Variants in MYO18B observed in about 807,000 individuals in gnomAD.
MYO18B encodes unconventional myosin-XVIIIb.
A neutral mutation model predicts 273.0 loss-of-function variants in MYO18B; 204 were observed. The observed-to-expected ratio is 0.75, with a 90% CI of 0.67 to 0.84. The LOEUF is 0.84. MYO18B is among the 40% of genes least tolerant of loss of function. The pLI is 0.00. For synonymous variants in MYO18B, 1,330 were observed against 1,305.7 expected (o/e 1.02, Z -0.40); for missense variants, 3,212 against 3,287.6 (o/e 0.98, Z 0.56).
chr22:25,841,834 G>A (rs13057055), intron 17 of MYO18B, among the ~76,000 whole-genome samples: 1 of 152,230 alleles, frequency 6.6e-6, no homozygotes, highest in African/African-American at 2.4e-5. Flanking sequence ...GAAGGAGGCA[G>A]CCAGGTAAAC....
chr22:25,815,288 G>C (rs2088953065), intron 12 of MYO18B, among the ~76,000 whole-genome samples: 4 of 152,200 alleles, frequency 2.6e-5, no homozygotes, highest in Non-Finnish European at 4.4e-5. Context: ...ACTCTACCTT[G>C]CTAGCTGAGT....
At chr22:25,966,648 AAT>A (rs2092982072) in intron 39 of MYO18B, among the ~76,000 whole-genome samples, 1 of 152,038 alleles carries the variant, frequency 6.6e-6, no homozygotes, top group Non-Finnish European at 1.5e-5. Context: ...CCCTACTCCT[AAT>A]GGCCTCCCGC....
chr22:25,765,782 G>A (rs577255971), intron 3 of MYO18B, among the ~76,000 whole-genome samples: 2 of 152,298 alleles, frequency 1.3e-5, no homozygotes, highest in South Asian at 2.1e-4. Flanking sequence ...GGGGTGGGAG[G>A]AGGCTGGCAC....
chr22:25,755,146 C>G (rs1203809905), intron 1 of MYO18B, among the ~76,000 whole-genome samples: 2 of 152,152 alleles, frequency 1.3e-5, no homozygotes, highest in Non-Finnish European at 2.9e-5. Context: ...TCTTCTTTCC[C>G]CCATCCCCTC....
At position 25,755,044 on chromosome 22, in the gene MYO18B, C is replaced by T. The variant is rs550880670; in HGVS notation, c.-109-5940C>T. Among the ~76,000 whole-genome samples the T allele has an allele frequency of 9.9e-5, 15 of 152,282 alleles. No homozygotes were observed. In the East Asian group the frequency reaches 2.7e-3, roughly 28 times the overall value. ...ACGTCAGGCCTATTTATAATTCGGGCTTTGCTCCTTAGGCATGGAGTCTGT... is the reference window on the plus strand; with the variant it reads ...ACGTCAGGCCTATTTATAATTCGGGTTTTGCTCCTTAGGCATGGAGTCTGT... On this transcript the variant is annotated intron_variant, in intron 1 of 43. Coordinates refer to ENST00000335473, the MANE Select transcript of MYO18B (RefSeq NM_032608.7).
intron 12 of MYO18B, among the ~76,000 whole-genome samples, chr22:25,817,632 C>T (rs2089094292): frequency 6.6e-6 from 1 of 152,120 alleles, no homozygotes; most frequent in South Asian, 2.1e-4. Flanking sequence ...ATCACTCTTT[C>T]CAAAACCACT....
chr22:25,781,532 G>GT (rs2087150420), intron 9 of MYO18B, among the ~76,000 whole-genome samples: 4 of 151,016 alleles, frequency 2.6e-5, no homozygotes, highest in Non-Finnish European at 5.9e-5. Flanking sequence ...ATAGCGTGAA[G>GT]CTGGGAGGCG....
At chr22:25,970,600 T>C (rs1024338560) in intron 39 of MYO18B, among the ~76,000 whole-genome samples, 1 of 152,150 alleles carries the variant, frequency 6.6e-6, no homozygotes, top group Non-Finnish European at 1.5e-5. Flanking sequence ...AACAGCATTC[T>C]CATCTCCCCC....
chr22:26,033,354 A>G (rs1451158197), downstream of MYO18B, among the ~76,000 whole-genome samples: 1 of 152,250 alleles, frequency 6.6e-6, no homozygotes, highest in Non-Finnish European at 1.5e-5. Flanking sequence ...ACAATAAGCA[A>G]GAAAATGAAT....
intron 7 of MYO18B, among the ~76,000 whole-genome samples, chr22:25,775,401 G>A (rs903853848): frequency 6.6e-6 from 1 of 152,152 alleles, no homozygotes; most frequent in Non-Finnish European, 1.5e-5. Flanking sequence ...CCCCTAGTTC[G>A]GCCAAAGGAC....
intron 34 of MYO18B, among the ~76,000 whole-genome samples, chr22:25,932,747 G>A (rs561398644): frequency 3.3e-5 from 5 of 152,060 alleles, no homozygotes; most frequent in Admixed American, 1.3e-4. Context: ...GCAAACTAGG[G>A]CCCAAAAGCC....
In MYO18B at chr22:26,003,274, G is replaced by A. The variant is rs375873272; in HGVS notation, c.6297G>A (p.Thr2099=). 7.0e-4 allele frequency: 1,132 copies of A among 1,609,318 alleles called. 18 individuals carry two copies. Among genetic ancestry groups the A allele is most frequent in the Admixed American group, 4.4e-4 (26 of 59,372 alleles). ...TTGTGCCTCTTACTAGTGTCCAGAC[G>A]GCAGTGGATTGTGGCAGCAGCGGCC... ...SSDSDTESVQ[T]AVDCGSSGRK... Residue 2099 remains threonine, a synonymous_variant, in exon 41 of 44, where the codon ACG becomes ACA. Transcript: ENST00000335473.
intron 9 of MYO18B, among the ~76,000 whole-genome samples, chr22:25,781,450 A>T (rs1283809083): frequency 6.6e-6 from 1 of 152,116 alleles, no homozygotes; most frequent in Admixed American, 6.5e-5. Context: ...TCTACTAAAA[A>T]AACAAAAAAA....
At chr22:25,880,316 G>T (rs1366757259) in intron 25 of MYO18B, among the ~76,000 whole-genome samples, 1 of 152,188 alleles carries the variant, frequency 6.6e-6, no homozygotes, top group Non-Finnish European at 1.5e-5. Context: ...TGTAGGCCAA[G>T]ATTAGGGTGA....
At chr22:25,931,409 C>T (rs1320013022) in intron 34 of MYO18B, among the ~76,000 whole-genome samples, 1 of 152,192 alleles carries the variant, frequency 6.6e-6, no homozygotes, top group Non-Finnish European at 1.5e-5. Context: ...TCTACAGCAA[C>T]GATATTGACG....
At chr22:25,788,154 C>T (rs761484898) in intron 11 of MYO18B, among the ~76,000 whole-genome samples, 6 of 152,120 alleles carry the variant, frequency 3.9e-5, no homozygotes, top group Non-Finnish European at 5.9e-5. Context: ...TAGGGTGTTT[C>T]TTTGTTCTCT....
At position 25,894,242 on chromosome 22, in the gene MYO18B, G is replaced by T. The variant is rs535756773; in HGVS notation, c.4544-914G>T. Among the ~76,000 whole-genome samples, 9 of 152,114 alleles carry T rather than the reference G, an allele frequency of 5.9e-5. No individual in the cohort carries two copies. In the South Asian group the frequency reaches 1.9e-3, roughly 32 times the overall value. On this transcript the variant is annotated intron_variant, in intron 27 of 43. Coordinates refer to ENST00000335473, the MANE Select transcript of MYO18B (RefSeq NM_032608.7). ...TTCCCTTGCTTGATTATTCTGGAAG[G>T]TGGGTGGATATGGCTTCTTATTCAT...
intron 3 of MYO18B, among the ~76,000 whole-genome samples, chr22:25,764,038 G>T (rs2086420190): frequency 1.3e-5 from 2 of 152,124 alleles, no homozygotes; most frequent in Admixed American, 1.3e-4. Context: ...GTTTACCCAG[G>T]TCCCTCTCCT....
intron 42 of MYO18B, among the ~76,000 whole-genome samples, chr22:26,017,200 CTTCT>C (rs941460235): frequency 5.3e-5 from 8 of 150,516 alleles, no homozygotes; most frequent in Non-Finnish European, 7.4e-5. Context: ...TTCTTTCTTC[CTTCT>C]TTTTTTAAAT....
Sources: allele counts gnomAD v4.1 joint callset (sites outside exome capture counted in the v4.1 genomes callset), GRCh38; gene constraint gnomAD v4.1.1; transcripts MANE v1.5; gene names NCBI Gene and HGNC (gene_info 2026-07-23, HGNC 2026-07-21).